Variants in IL1RAPL2 observed in about 807,000 individuals in gnomAD.
The protein encoded by IL1RAPL2 is X-linked interleukin-1 receptor accessory protein-like 2.
In IL1RAPL2, 3 loss-of-function variants were observed where a neutral mutation model predicts 44.1. That is an observed-to-expected ratio of 0.07 (90% CI 0.03 to 0.18). The LOEUF is 0.18. Ranked by LOEUF, IL1RAPL2 falls within the 10% of genes least tolerant of loss-of-function variation. The pLI is 1.00. For missense variants in IL1RAPL2, 391 were observed against 496.4 expected, an observed-to-expected ratio of 0.79 and a Z score of 2.02; for synonymous variants, 181 against 178.8, an observed-to-expected ratio of 1.01 and a Z score of -0.10.
At chrX:104,796,211 A>G (rs1932848945) in intron 2 of IL1RAPL2, among the ~76,000 whole-genome samples, 1 of 112,551 alleles carries the variant, frequency 8.9e-6, no homozygotes, top group Non-Finnish European at 1.9e-5. Context: ...GCTGTTTCAC[A>G]GAGATATTGT....
intron 5 of IL1RAPL2, among the ~76,000 whole-genome samples, chrX:105,290,500 T>C (rs957169001): frequency 3.6e-5 from 4 of 111,380 alleles, no homozygotes; most frequent in Non-Finnish European, 7.5e-5. Context: ...AGCTGAAACA[T>C]CTGAACATTA....
At chrX:104,610,338 A>G (rs1929123882) in intron 1 of IL1RAPL2, among the ~76,000 whole-genome samples, 1 of 111,209 alleles carries the variant, frequency 9.0e-6, no homozygotes, top group African/African-American at 3.3e-5. Context: ...GAGGAAGTCA[A>G]ATTGTCCCTG....
chrX:104,636,081 A>C (rs1413784081), intron 1 of IL1RAPL2, among the ~76,000 whole-genome samples: 1 of 111,919 alleles, frequency 8.9e-6, no homozygotes, highest in African/African-American at 3.3e-5. Flanking sequence ...CTCAGCTGCA[A>C]GTCTGTTGGA....
intron 2 of IL1RAPL2, among the ~76,000 whole-genome samples, chrX:105,124,193 G>A (rs16988380): frequency 0.076 from 8,407 of 110,531 alleles, 818 homozygotes; most frequent in African/African-American, 0.26. Context: ...AGCCCATCTC[G>A]CCTTTCTGAT....
chrX:105,279,854 G>A (rs780560596), intron 5 of IL1RAPL2, among the ~76,000 whole-genome samples: 33 of 112,191 alleles, frequency 2.9e-4, no homozygotes, highest in East Asian at 8.4e-4. Context: ...CATACTGCCC[G>A]AAGTAATTTA....
chrX:104,720,416 ATATT>A (rs954787681), intron 2 of IL1RAPL2, among the ~76,000 whole-genome samples: 4 of 111,995 alleles, frequency 3.6e-5, no homozygotes, highest in Non-Finnish European at 7.5e-5. Flanking sequence ...ATACATAAAC[ATATT>A]TATTAAATTC....
chrX:104,809,571 G>T (rs769635205), intron 2 of IL1RAPL2, among the ~76,000 whole-genome samples: 3 of 109,849 alleles, frequency 2.7e-5, no homozygotes, highest in African/African-American at 9.9e-5. Flanking sequence ...TTTTGATGGG[G>T]TTGTTTGTTT....
chrX:105,396,441 G>T (rs1188843292), intron 5 of IL1RAPL2, among the ~76,000 whole-genome samples: 2 of 103,055 alleles, frequency 1.9e-5, no homozygotes, highest in Non-Finnish European at 4.0e-5. Flanking sequence ...TAAGGATTTT[G>T]GAGTCAACAG....
intron 7 of IL1RAPL2, among the ~76,000 whole-genome samples, chrX:105,730,026 C>T (rs1440633260): frequency 9.1e-6 from 1 of 110,425 alleles, no homozygotes; most frequent in East Asian, 2.9e-4. Flanking sequence ...TTAATAATAA[C>T]CTTGAATGTA....
At chrX:104,731,189 G>A (rs1365844873) in intron 2 of IL1RAPL2, among the ~76,000 whole-genome samples, 1 of 109,772 alleles carries the variant, frequency 9.1e-6, no homozygotes, top group East Asian at 2.9e-4. Context: ...TCTGATGGTA[G>A]TTTCTTTTGC....
chrX:105,050,547 G>A (rs149789181), intron 2 of IL1RAPL2, among the ~76,000 whole-genome samples: 1,697 of 111,528 alleles, frequency 0.015, 16 homozygotes, highest in Non-Finnish European at 0.024. Flanking sequence ...GTCTGCCTTG[G>A]AACTCTTGTT....
intron 4 of IL1RAPL2, among the ~76,000 whole-genome samples, chrX:105,250,327 G>C (rs948006194): frequency 1.4e-4 from 16 of 111,161 alleles, no homozygotes; most frequent in African/African-American, 5.2e-4. Context: ...TTATTCATTT[G>C]TCAAAACCAA....
chrX:104,941,278 A>G (rs1162308900), intron 2 of IL1RAPL2, among the ~76,000 whole-genome samples: 2 of 111,485 alleles, frequency 1.8e-5, no homozygotes, highest in South Asian at 7.6e-4. Flanking sequence ...GAATCGCCAC[A>G]CTGTCTTCCA....
intron 2 of IL1RAPL2, among the ~76,000 whole-genome samples, chrX:104,756,804 A>G (rs1265927980): frequency 9.1e-6 from 1 of 110,001 alleles, no homozygotes; most frequent in African/African-American, 3.3e-5. Flanking sequence ...ACATGAAGGA[A>G]GTGAAGGAAC....
chrX:104,828,028 A>G (rs910405952), intron 2 of IL1RAPL2, among the ~76,000 whole-genome samples: 6 of 110,870 alleles, frequency 5.4e-5, no homozygotes, highest in African/African-American at 2.0e-4. Flanking sequence ...AATTCCTCTA[A>G]CCTTTTTTCA....
chrX:105,200,456 T>G (rs1490161943), intron 3 of IL1RAPL2, among the ~76,000 whole-genome samples: 1 of 112,281 alleles, frequency 8.9e-6, no homozygotes, highest in Non-Finnish European at 1.9e-5. Flanking sequence ...ACACCAATAT[T>G]TTCAATGGAG....
At chrX:104,943,317 C>A (rs912015232) in intron 2 of IL1RAPL2, among the ~76,000 whole-genome samples, 1 of 111,374 alleles carries the variant, frequency 9.0e-6, no homozygotes, top group African/African-American at 3.3e-5. Context: ...GACCAGACTT[C>A]TCTCCAGAGC....
At chrX:104,626,128 A>C (rs1178756998) in intron 1 of IL1RAPL2, among the ~76,000 whole-genome samples, 2 of 111,325 alleles carry the variant, frequency 1.8e-5, no homozygotes, top group Non-Finnish European at 3.8e-5. Flanking sequence ...TTATGATTAA[A>C]TAATTTATTG....
rs139312799 is a variant in IL1RAPL2 at position 104,744,261 on chromosome X, T to A, written c.82+85266T>A. Among the ~76,000 whole-genome samples the A allele has an allele frequency of 6.7e-3, 742 of 111,520 alleles. 6 individuals carry two copies. The highest frequency in any genetic ancestry group is 9.5e-3 in the Non-Finnish European group (502 of 52,985). ...TTCAGGAGGGAAGAATATTATGAACTGTGGATTTTGAATGCATTTAAATAT... is the reference window on the plus strand; with the variant it reads ...TTCAGGAGGGAAGAATATTATGAACAGTGGATTTTGAATGCATTTAAATAT... On this transcript the variant is annotated intron_variant, in intron 2 of 10. Coordinates refer to ENST00000372582, the MANE Select transcript of IL1RAPL2 (RefSeq NM_017416.2).
Sources: allele counts gnomAD v4.1 joint callset (sites outside exome capture counted in the v4.1 genomes callset), GRCh38; gene constraint gnomAD v4.1.1; transcripts MANE v1.5; gene names NCBI Gene and HGNC (gene_info 2026-07-23, HGNC 2026-07-21).